Variants in GPR143 observed in about 807,000 individuals in gnomAD.
GPR143 encodes the protein G-protein coupled receptor 143.
Under a neutral mutation model 27.6 loss-of-function variants are expected in GPR143, and 8 were observed. That is an observed-to-expected ratio of 0.29 (90% CI 0.17 to 0.52). GPR143 has a LOEUF of 0.52. Among genes scored for constraint, GPR143 ranks in the 20% least tolerant of loss-of-function variants. The pLI is 0.96. For synonymous variants in GPR143, 156 were observed against 153.2 expected (o/e 1.02, Z -0.13); for missense variants, 303 against 343.1 (o/e 0.88, Z 0.92).
At chrX:9,761,791 T>C (rs1012287446) in intron 1 of GPR143, among the ~76,000 whole-genome samples, 19 of 112,843 alleles carry the variant, frequency 1.7e-4, no homozygotes, top group African/African-American at 6.1e-4. Context: ...GGTAATGCAA[T>C]ATCCGTTGTT....
chrX:9,762,253 G>A (rs887059452), intron 1 of GPR143, among the ~76,000 whole-genome samples: 11 of 110,065 alleles, frequency 1.0e-4, no homozygotes, highest in Non-Finnish European at 1.7e-4. Flanking sequence ...AGCCAGGCAC[G>A]GTGGTGGGCA....
intron 1 of GPR143, among the ~76,000 whole-genome samples, chrX:9,761,860 G>C (rs1365434594): frequency 8.9e-6 from 1 of 112,468 alleles, no homozygotes; most frequent in Non-Finnish European, 1.9e-5. Flanking sequence ...CACTTTGGGA[G>C]GCCAAGGCCG....
At chrX:9,761,006 A>T (rs2083496832) in intron 1 of GPR143, among the ~76,000 whole-genome samples, 180 bp from the exon 2 acceptor site, 1 of 111,278 alleles carries the variant, frequency 9.0e-6, no homozygotes, top group Non-Finnish European at 1.9e-5. Flanking sequence ...AAAAGGAAGA[A>T]AGGAAGAAAA....
intron 8 of GPR143, among the ~76,000 whole-genome samples, chrX:9,734,080 CAAAA>C (rs34722888): frequency 1.7e-5 from 1 of 57,878 alleles, no homozygotes; most frequent in Non-Finnish European, 3.5e-5. Flanking sequence ...AACTCTGTCT[CAAAA>C]AAAAAAAAAA....
chrX:9,743,220 A>C (rs1309672679), intron 6 of GPR143, among the ~76,000 whole-genome samples: 3 of 44,477 alleles, frequency 6.7e-5, no homozygotes, highest in African/African-American at 3.6e-4. Context: ...CCCTGTCTCA[A>C]AAAAAAAAAA....
chrX:9,762,706 C>G (rs1486385442), intron 1 of GPR143, among the ~76,000 whole-genome samples: 1 of 111,881 alleles, frequency 8.9e-6, no homozygotes, highest in Non-Finnish European at 1.9e-5. Flanking sequence ...CCACTGCCAA[C>G]AAAAACAATG....
At chrX:9,735,402 G>A (rs1301484037) in intron 8 of GPR143, among the ~76,000 whole-genome samples, 3 of 110,773 alleles carry the variant, frequency 2.7e-5, no homozygotes, top group Non-Finnish European at 5.7e-5. Flanking sequence ...TCTCAACACC[G>A]CGTCTTCCTC....
chrX:9,765,530 T>C (rs1419133235), intron 1 of GPR143, 38 bp downstream of exon 1: 30 of 1,071,703 alleles, frequency 2.8e-5, no homozygotes, highest in Non-Finnish European at 3.6e-5. Flanking sequence ...ACCCAGGCGC[T>C]GATCAGATTC....
intron 8 of GPR143, among the ~76,000 whole-genome samples, chrX:9,738,785 G>A (rs778192870): frequency 1.0e-3 from 112 of 111,644 alleles, no homozygotes; most frequent in South Asian, 4.9e-3. Context: ...CCTCCATGCC[G>A]GCTAATTTTG....
In GPR143 at chrX:9,760,709, G is replaced by C. The variant is rs370051738; in HGVS notation, c.360+8C>G. The C allele has an allele frequency of 1.9e-6, 2 of 1,026,528 alleles. No individual in the cohort carries two copies. Among genetic ancestry groups the C allele is most frequent in the African/African-American group, 1.9e-5 (1 of 53,603 alleles). The allele number at this position is 1,026,528 out of a possible 1,213,427, so 84.6% of individuals were successfully genotyped here. On this transcript the variant is annotated splice_region_variant and intron_variant, in intron 2 of 8. Transcript: ENST00000467482. ...GGAGGAGAGGGCATGCAGAGGGGGT[G>C]GACTCACCGCACTCCCCACGCAGAA...
chrX:9,752,387 A>G (rs1297278507), intron 3 of GPR143, among the ~76,000 whole-genome samples: 1 of 112,120 alleles, frequency 8.9e-6, no homozygotes, highest in Non-Finnish European at 1.9e-5. Context: ...TTTATAAGTT[A>G]GAGTGGATAA....
intron 2 of GPR143, among the ~76,000 whole-genome samples, chrX:9,759,960 G>A (rs1452072484): frequency 8.9e-6 from 1 of 112,543 alleles, no homozygotes; most frequent in Non-Finnish European, 1.9e-5. Flanking sequence ...CACAGCATCA[G>A]GGAATGTGCT....
intron 3 of GPR143, among the ~76,000 whole-genome samples, chrX:9,752,304 GCA>G (rs2083454612): frequency 1.8e-5 from 2 of 111,760 alleles, no homozygotes; most frequent in African/African-American, 3.3e-5. Context: ...CCGGGCTCAA[GCA>G]ATCCTCCCAT....
intron 4 of GPR143, among the ~76,000 whole-genome samples, chrX:9,748,295 G>A (rs746092542): frequency 8.9e-6 from 1 of 112,842 alleles, no homozygotes; most frequent in South Asian, 3.6e-4. Flanking sequence ...TACGTGGAGG[G>A]AAATATGCGG....
chrX:9,759,281 C>G, intron 3 of GPR143, 51 bp downstream of exon 3: 1 of 781,291 alleles, frequency 1.3e-6, no homozygotes, highest in Non-Finnish European at 1.9e-6. Context: ...CATCTCTTAT[C>G]TTCCCTCTAA....
intron 1 of GPR143, among the ~76,000 whole-genome samples, chrX:9,773,652 C>T (rs906087606): frequency 4.5e-5 from 5 of 111,162 alleles, no homozygotes; most frequent in Non-Finnish European, 9.4e-5. Context: ...GCGGGTGGGT[C>T]ACTTGAGCTC....
At chrX:9,737,298 G>A (rs2083383407) in intron 8 of GPR143, among the ~76,000 whole-genome samples, 1 of 111,403 alleles carries the variant, frequency 9.0e-6, no homozygotes, top group Non-Finnish European at 1.9e-5. Context: ...ACTTCAGCCT[G>A]GACAACAGAG....
At chrX:9,757,969 C>T (rs931719264) in intron 3 of GPR143, among the ~76,000 whole-genome samples, 1 of 110,436 alleles carries the variant, frequency 9.1e-6, no homozygotes, top group Non-Finnish European at 1.9e-5. Context: ...CACTGTATTG[C>T]CCAGGCTGGT....
chrX:9,726,125 A>T (rs2083326108), intron 8 of GPR143: 5 of 297,611 alleles, frequency 1.7e-5, no homozygotes, highest in African/African-American at 6.0e-5. Context: ...ACTGCGGCAC[A>T]GATGCTGCAG....
Sources: allele counts gnomAD v4.1 joint callset (sites outside exome capture counted in the v4.1 genomes callset), GRCh38; gene constraint gnomAD v4.1.1; transcripts MANE v1.5; gene names NCBI Gene and HGNC (gene_info 2026-07-23, HGNC 2026-07-21).